The following SOCS6 variants were observed in gnomAD, a reference collection of about 807,000 sequenced individuals.
SOCS6 encodes suppressor of cytokine signaling 6.
SOCS6 carries 5 observed loss-of-function variants against 27.7 expected under a neutral mutation model. That is an observed-to-expected ratio of 0.18 (90% CI 0.09 to 0.38). The LOEUF is 0.38. Among genes scored for constraint, SOCS6 ranks in the 10% least tolerant of loss-of-function variants. The pLI is 1.00. For synonymous variants in SOCS6, 271 were observed against 260.0 expected, an observed-to-expected ratio of 1.04 and a Z score of -0.41; for missense variants, 595 against 688.1, an observed-to-expected ratio of 0.86 and a Z score of 1.51.
chr18:70,297,923 T>C (rs2062331384), intron 1 of SOCS6, among the ~76,000 whole-genome samples: 1 of 152,158 alleles, frequency 6.6e-6, no homozygotes, highest in Admixed American at 6.5e-5. Context: ...AAACTCAAAT[T>C]CTCTACTGCA....
chr18:70,290,248 A>T (rs1302146478), intron 1 of SOCS6, among the ~76,000 whole-genome samples: 1 of 152,244 alleles, frequency 6.6e-6, no homozygotes, highest in Non-Finnish European at 1.5e-5. Context: ...TACATTTGGA[A>T]TCAAACAAAA....
chr18:70,330,164 G>GCC lies in SOCS6; in HGVS notation c.*3888_*3889insCC, dbSNP rs1911363840. ...ATAAGAATTTATGTATCTGCTTCTA[G>GCC]ATACAGTGTGTAAATAAAAAATTTC... On this transcript the variant is annotated 3_prime_UTR_variant, in exon 2 of 2. Transcript: ENST00000397942. 6.0e-6 allele frequency: 1 copy of GCC among 167,018 alleles called. No individual in the cohort carries two copies. The allele number at this position is 167,018 out of a possible 1,614,324, so 10.3% of individuals were successfully genotyped here.
rs376259085 is a variant in SOCS6, at chr18:70,303,614, T to C, written c.-127+14524T>C. Among the ~76,000 whole-genome samples, 5 of 152,084 alleles carry C rather than the reference T, an allele frequency of 3.3e-5. No homozygotes were observed. The East Asian group carries it at 7.7e-4, about 23-fold the overall frequency. On this transcript the variant is annotated intron_variant, in intron 1 of 1. Coordinates refer to ENST00000397942, the MANE Select transcript of SOCS6 (RefSeq NM_004232.4). ...TTTGACACCAGCCTGGCTAACGTGGTGAAACCCATGTCTATTAAAAATACA... is the reference window on the plus strand; with the variant it reads ...TTTGACACCAGCCTGGCTAACGTGGCGAAACCCATGTCTATTAAAAATACA...
rs1911300841 is a variant in SOCS6 at position 70,328,648 on chromosome 18, T to C, written c.*2372T>C. ...CCTATTCTAATCTAGTTTGAAATTG[T>C]TAGATTCTGATAGTATAATGATAAA... On this transcript the variant is annotated 3_prime_UTR_variant, in exon 2 of 2. Coordinates refer to ENST00000397942, the MANE Select transcript of SOCS6 (RefSeq NM_004232.4). 6.0e-6 allele frequency: 1 copy of C among 166,942 alleles called. No individual in the cohort carries two copies. The highest frequency in any genetic ancestry group is 2.4e-5 in the African/African-American group (1 of 41,444). 10.3% of individuals were successfully genotyped at this position (166,942 alleles called of 1,614,324 possible).
chr18:70,297,823 G>A (rs2146263570), intron 1 of SOCS6, among the ~76,000 whole-genome samples: 1 of 152,264 alleles, frequency 6.6e-6, no homozygotes, highest in South Asian at 2.1e-4. Context: ...ATTTCATGTG[G>A]ATTACTTTTT....
chr18:70,306,308 AC>A (rs1211921376), intron 1 of SOCS6, among the ~76,000 whole-genome samples: 1 of 151,818 alleles, frequency 6.6e-6, no homozygotes, highest in Non-Finnish European at 1.5e-5. Flanking sequence ...CCCTGTCTCT[AC>A]TAAGAATACA....
At chr18:70,323,184 T>TGG (rs1248903195) in intron 1 of SOCS6, among the ~76,000 whole-genome samples, 1 of 152,232 alleles carries the variant, frequency 6.6e-6, no homozygotes, top group Non-Finnish European at 1.5e-5. Flanking sequence ...AATCTTGTTC[T>TGG]GGGCTTTATT....
intron 1 of SOCS6, among the ~76,000 whole-genome samples, chr18:70,309,640 C>T (rs1021059722): frequency 6.6e-6 from 1 of 152,116 alleles, no homozygotes. Flanking sequence ...AATACAGACA[C>T]TTGGCTTCAT....
rs138505386 is a variant in SOCS6 at position 70,326,099 on chromosome 18, G to T, written c.1431G>T (p.Leu477=). The part of the protein sequence containing the change: ...NGAFCYSRSR[L]PGSATYPVRL... Reference sequence around the variant, plus strand: ...CTTTTTGTTATTCAAGGTCTCGGCTGCCTGGATCTGCAACTTACCCCGTCA... The same window carrying T: ...CTTTTTGTTATTCAAGGTCTCGGCTTCCTGGATCTGCAACTTACCCCGTCA... Residue 477 remains leucine, a synonymous_variant, in exon 2 of 2, where the codon CTG becomes CTT. Coordinates refer to ENST00000397942, the MANE Select transcript of SOCS6 (RefSeq NM_004232.4). 1.2e-6 allele frequency: 2 copies of T among 1,614,106 alleles called. No individual in the cohort carries two copies. The highest frequency in any genetic ancestry group is 1.7e-6 in the Non-Finnish European group (2 of 1,180,050).
intron 1 of SOCS6, among the ~76,000 whole-genome samples, chr18:70,297,013 T>A (rs1052194747): frequency 1.5e-4 from 19 of 125,572 alleles, no homozygotes; most frequent in African/African-American, 5.8e-4. Flanking sequence ...CTGTTGTTGT[T>A]GTTGTTGTTG....
At position 70,325,518 on chromosome 18, in the gene SOCS6, T is replaced by C; in HGVS notation, c.850T>C (p.Ser284Pro). ...CGCCCCAGAGATCTTCGTGGATCAG[T>C]CCGTGAATGGCTTGTTGATTGGCAC... ...VVAPEIFVDQ[S>P]VNGLLIGTTG... The change falls in exon 2 of 2, where the codon TCC becomes CCC. Residue 284 changes from serine to proline, a missense_variant. Coordinates refer to ENST00000397942, the MANE Select transcript of SOCS6 (RefSeq NM_004232.4). The surrounding 1 kb of genome is among the most constrained non-coding windows in gnomAD (Gnocchi z 6.3). 6.2e-7 allele frequency: 1 copy of C among 1,614,088 alleles called. No homozygotes were observed. The highest frequency in any genetic ancestry group is 1.3e-5 in the African/African-American group (1 of 75,012).
At chr18:70,306,007 G>GC (rs2062367740) in intron 1 of SOCS6, among the ~76,000 whole-genome samples, 1 of 152,096 alleles carries the variant, frequency 6.6e-6, no homozygotes. Flanking sequence ...GGAGGCCAAG[G>GC]CTGGAGGATC....
intron 1 of SOCS6, among the ~76,000 whole-genome samples, chr18:70,302,781 AT>A (rs999745842): frequency 1.7e-4 from 26 of 149,166 alleles, no homozygotes; most frequent in African/African-American, 6.2e-4. Context: ...TAAAAAAAAA[AT>A]TTAAGTCAGA....
In SOCS6 at chr18:70,324,584, G is replaced by A; in HGVS notation, c.-85G>A. On this transcript the variant is annotated 5_prime_UTR_variant, in exon 2 of 2. Coordinates refer to ENST00000397942, the MANE Select transcript of SOCS6 (RefSeq NM_004232.4). Reference sequence around the variant, plus strand: ...TTAAATGAAGCAGGAAAAATACATAGATGCAGCCTTGCAGCCTCTCCAGAT... The same window carrying A: ...TTAAATGAAGCAGGAAAAATACATAAATGCAGCCTTGCAGCCTCTCCAGAT... The A allele has an allele frequency of 1.1e-6, 1 of 892,128 alleles. No individual in the cohort carries two copies. The highest frequency in any genetic ancestry group is 1.7e-6 in the Non-Finnish European group (1 of 581,422). 55.3% of individuals were successfully genotyped at this position (892,128 alleles called of 1,614,324 possible).
At chr18:70,297,653 T>C (rs2062330204) in intron 1 of SOCS6, among the ~76,000 whole-genome samples, 1 of 152,244 alleles carries the variant, frequency 6.6e-6, no homozygotes, top group Non-Finnish European at 1.5e-5. Context: ...ATTATTGTTT[T>C]ATAATACAAG....
At chr18:70,290,826 C>G (rs2062295788) in intron 1 of SOCS6, among the ~76,000 whole-genome samples, 1 of 152,216 alleles carries the variant, frequency 6.6e-6, no homozygotes, top group African/African-American at 2.4e-5. Context: ...TCGTTATCTT[C>G]TAAATTACCC....
chr18:70,311,152 A>G (rs895242181), intron 1 of SOCS6, among the ~76,000 whole-genome samples: 6 of 152,124 alleles, frequency 3.9e-5, no homozygotes, highest in Admixed American at 2.6e-4. Flanking sequence ...TTTCTCTTAG[A>G]GCACTTCTCA....
chr18:70,319,739 T>A (rs754553320), intron 1 of SOCS6, among the ~76,000 whole-genome samples: 2 of 152,188 alleles, frequency 1.3e-5, no homozygotes, highest in African/African-American at 4.8e-5. Context: ...AATGTGAATA[T>A]TTCAAAGACA....
At chr18:70,298,471 A>G (rs1293643369) in intron 1 of SOCS6, among the ~76,000 whole-genome samples, 1 of 149,368 alleles carries the variant, frequency 6.7e-6, no homozygotes, top group Non-Finnish European at 1.5e-5. Context: ...AGTATTTTAC[A>G]TTTATCATTC....
Sources: gnomAD v4.1 joint callset for allele counts (sites outside exome capture counted in the v4.1 genomes callset) on GRCh38, gnomAD v4.1.1 for gene constraint, Gnocchi (gnomAD v3.1) non-coding constraint, MANE v1.5 for transcripts, NCBI Gene and HGNC (gene_info 2026-07-23, HGNC 2026-07-21) for gene names.